Variants in METTL25 observed in about 807,000 individuals in gnomAD.
METTL25 encodes the protein methyltransferase like 25, also known as probable methyltransferase-like protein 25.
Under a neutral mutation model 71.6 loss-of-function variants are expected in METTL25, and 64 were observed. The ratio of observed to expected loss-of-function variants is 0.89; its 90% CI spans 0.73 to 1.10. METTL25 has a LOEUF of 1.10. METTL25 is among the 50% of genes least tolerant of loss of function. The probability of loss-of-function intolerance (pLI) is 0.00; values close to 1 mark genes in which losing one functional copy is unlikely to be tolerated. For synonymous variants in METTL25, 287 were observed against 250.3 expected, an observed-to-expected ratio of 1.15 and a Z score of -1.38; for missense variants, 807 against 707.0, an observed-to-expected ratio of 1.14 and a Z score of -1.60.
At chr12:82,375,454 TA>T (rs1883746856) in intron 1 of METTL25, among the ~76,000 whole-genome samples, 1 of 134,066 alleles carries the variant, frequency 7.5e-6, no homozygotes, top group African/African-American at 3.0e-5. Context: ...AAAAAAAAAA[TA>T]TATATATGTT....
intron 1 of METTL25, among the ~76,000 whole-genome samples, chr12:82,372,044 T>C (rs1289383906): frequency 6.6e-6 from 1 of 152,194 alleles, no homozygotes; most frequent in Non-Finnish European, 1.5e-5. Context: ...AGATACAAGG[T>C]ATCTCCAAAC....
In METTL25 at chr12:82,403,124, C is replaced by T; in HGVS notation, c.1273C>T (p.His425Tyr). Residue 425 changes from histidine to tyrosine, a missense_variant, in exon 5 of 12, where the codon CAT becomes TAT. Physicochemically the swap from His to Tyr is moderately conservative, Grantham distance 83 (BLOSUM62 2). Coordinates refer to ENST00000248306, the MANE Select transcript of METTL25 (RefSeq NM_032230.3). ...HLLSEEFENQ[H>Y]KERTQEKWGF... Reference sequence around the variant, plus strand: ...CTTATCTGAAGAATTTGAAAACCAGCATAAAGGTACAAGTTCCCCATGTGT... The same window carrying T: ...CTTATCTGAAGAATTTGAAAACCAGTATAAAGGTACAAGTTCCCCATGTGT... 6.2e-7 allele frequency: 1 copy of T among 1,610,700 alleles called. No individual in the cohort carries two copies. The highest frequency in any genetic ancestry group is 8.5e-7 in the Non-Finnish European group (1 of 1,178,716).
intron 1 of METTL25, among the ~76,000 whole-genome samples, chr12:82,380,382 TAACA>T (rs979153534): frequency 2.0e-5 from 3 of 152,182 alleles, no homozygotes; most frequent in Admixed American, 2.0e-4. Context: ...TTTACCTATG[TAACA>T]AACCTGCACA....
chr12:82,456,527 T>C lies in METTL25; in HGVS notation c.1479-200T>C, dbSNP rs562751875. On this transcript the variant is annotated intron_variant, in intron 8 of 11. Transcript: ENST00000248306. ...TCACAGCCTTCACTGCTATATGTTA[T>C]AAGAATTGTCAGAAGCAGATCCTGA... is the stretch of plus-strand genomic sequence containing the variant. Among the ~76,000 whole-genome samples, 14 of 152,102 alleles carry C rather than the reference T, an allele frequency of 9.2e-5. No individual in the cohort carries two copies. In the South Asian group the frequency reaches 1.4e-3, roughly 16 times the overall value.
Position 82,399,147 on chromosome 12 carries a change from CCCTT to C in METTL25, c.886_889del (p.Leu296IlefsTer19). On this transcript the variant is annotated frameshift_variant, in exon 4 of 12. Coordinates refer to ENST00000248306, the MANE Select transcript of METTL25 (RefSeq NM_032230.3). LOFTEE classifies it high-confidence loss of function. ...TCTAATATCAGAAACCAAATGGAAACCCTTCATTCTCAGCCACATCAAGAAGAAA... is the reference window on the plus strand; with the variant it reads ...TCTAATATCAGAAACCAAATGGAAACCATTCTCAGCCACATCAAGAAGAAA... 1.2e-6 allele frequency: 2 copies of C among 1,613,740 alleles called. No individual in the cohort carries two copies. The highest frequency in any genetic ancestry group is 1.7e-6 in the Non-Finnish European group (2 of 1,179,850).
intron 9 of METTL25, among the ~76,000 whole-genome samples, chr12:82,475,954 T>C (rs1892855448): frequency 6.6e-6 from 1 of 152,064 alleles, no homozygotes; most frequent in Admixed American, 6.6e-5. Context: ...AGTTTCAGAT[T>C]TTGGAGCATT....
At chr12:82,426,114 T>C (rs1365783896) in intron 5 of METTL25, among the ~76,000 whole-genome samples, 5 of 152,076 alleles carry the variant, frequency 3.3e-5, no homozygotes, top group Non-Finnish European at 7.4e-5. Flanking sequence ...TCAGGTCATA[T>C]GAGGGAGCTT....
At chr12:82,436,330 T>C (rs1342449493) in intron 7 of METTL25, among the ~76,000 whole-genome samples, 1 of 151,486 alleles carries the variant, frequency 6.6e-6, no homozygotes, top group Non-Finnish European at 1.5e-5. Flanking sequence ...GTATACACTT[T>C]GTGTTCCCTC....
intron 3 of METTL25, among the ~76,000 whole-genome samples, chr12:82,390,242 A>C (rs1472696821): frequency 6.6e-6 from 1 of 152,052 alleles, no homozygotes; most frequent in Non-Finnish European, 1.5e-5. Context: ...TAGCATTATG[A>C]GGATGACATT....
At chr12:82,431,550 C>T (rs916775397) in intron 6 of METTL25, among the ~76,000 whole-genome samples, 4 of 151,502 alleles carry the variant, frequency 2.6e-5, no homozygotes, top group African/African-American at 9.7e-5. Flanking sequence ...AACGTAAGGA[C>T]TATAGTTACT....
intron 8 of METTL25, among the ~76,000 whole-genome samples, chr12:82,452,048 C>A (rs1891182558): frequency 6.6e-6 from 1 of 152,020 alleles, no homozygotes; most frequent in Non-Finnish European, 1.5e-5. Context: ...GCTATTGTTA[C>A]ATTAATACTT....
In METTL25 at chr12:82,361,842, C is replaced by T. The variant is rs534774418; in HGVS notation, c.259+3018C>T. On this transcript the variant is annotated intron_variant, in intron 1 of 11. Coordinates refer to ENST00000248306, the MANE Select transcript of METTL25 (RefSeq NM_032230.3). ...AAGCTGAGAGAGCCAGCTCCAGCCT[C>T]GGCCAGCCTAGAGAAGGGCTCCCAC... is the stretch of plus-strand genomic sequence containing the variant. Among the ~76,000 whole-genome samples the T allele has an allele frequency of 5.9e-5, 9 of 152,320 alleles. No homozygotes were observed. In the South Asian group the frequency reaches 1.0e-3, roughly 18 times the overall value.
intron 1 of METTL25, among the ~76,000 whole-genome samples, chr12:82,373,575 A>G (rs1384621535): frequency 6.6e-6 from 1 of 152,202 alleles, no homozygotes; most frequent in Non-Finnish European, 1.5e-5. Flanking sequence ...TCTGACAGGC[A>G]TTAGGACCCA....
At chr12:82,404,606 G>A (rs747460818) in intron 5 of METTL25, among the ~76,000 whole-genome samples, 2 of 152,120 alleles carry the variant, frequency 1.3e-5, no homozygotes, top group Middle Eastern at 3.4e-3. Flanking sequence ...TGTTCTGTAG[G>A]TACAATGAAA....
intron 1 of METTL25, among the ~76,000 whole-genome samples, chr12:82,361,495 C>G (rs932007684): frequency 2.0e-5 from 3 of 152,108 alleles, no homozygotes; most frequent in Non-Finnish European, 2.9e-5. Context: ...GCTTGGGCTA[C>G]GCAGGAGCCC....
chr12:82,474,332 G>C (rs1287084750), intron 9 of METTL25, among the ~76,000 whole-genome samples: 1 of 152,170 alleles, frequency 6.6e-6, no homozygotes, highest in Admixed American at 6.5e-5. Flanking sequence ...CACCACAGGT[G>C]CATCTGCACT....
chr12:82,394,955 A>G (rs1885941717), intron 3 of METTL25, among the ~76,000 whole-genome samples: 1 of 151,708 alleles, frequency 6.6e-6, no homozygotes, highest in Non-Finnish European at 1.5e-5. Flanking sequence ...AACATCCAGG[A>G]AGTCAGATTG....
chr12:82,441,988 A>G (rs1890381917), intron 8 of METTL25, among the ~76,000 whole-genome samples: 1 of 152,036 alleles, frequency 6.6e-6, no homozygotes, highest in African/African-American at 2.4e-5. Context: ...CTTGTATCCA[A>G]CTGCGATAAA....
At chr12:82,372,234 G>C (rs1251773118) in intron 1 of METTL25, among the ~76,000 whole-genome samples, 1 of 152,150 alleles carries the variant, frequency 6.6e-6, no homozygotes, top group Non-Finnish European at 1.5e-5. Flanking sequence ...TTAAATCAGA[G>C]AGGGAGAAGG....
Sources: allele counts gnomAD v4.1 joint callset (sites outside exome capture counted in the v4.1 genomes callset), GRCh38; gene constraint gnomAD v4.1.1; transcripts MANE v1.5; gene names NCBI Gene and HGNC (gene_info 2026-07-23, HGNC 2026-07-21).